Variants in IKZF3 observed in about 807,000 individuals in gnomAD.
IKZF3 encodes zinc finger protein Aiolos.
Under a neutral mutation model 49.0 loss-of-function variants are expected in IKZF3, and 10 were observed. The observed-to-expected ratio is 0.20, with a 90% CI of 0.13 to 0.35. IKZF3 has a LOEUF of 0.35. Among genes scored for constraint, IKZF3 ranks in the 10% least tolerant of loss-of-function variants. The pLI is 1.00. For synonymous variants in IKZF3, 209 were observed against 228.2 expected (o/e 0.92, Z 0.76); for missense variants, 498 against 664.8 (o/e 0.75, Z 2.76).
At chr17:39,779,649 T>TG (rs1429511808) in intron 6 of IKZF3, among the ~76,000 whole-genome samples, 10 of 145,934 alleles carry the variant, frequency 6.9e-5, no homozygotes, top group Non-Finnish European at 9.0e-5. Flanking sequence ...ATTCTTTGTT[T>TG]TTTGTTTTTT....
chr17:39,822,149 C>T (rs1470726571), intron 3 of IKZF3, among the ~76,000 whole-genome samples: 1 of 152,114 alleles, frequency 6.6e-6, no homozygotes, highest in Non-Finnish European at 1.5e-5. Context: ...AACTGGAATA[C>T]CCCAGATGAA....
At chr17:39,862,414 C>G (rs1277365066) in intron 1 of IKZF3, among the ~76,000 whole-genome samples, 1 of 151,928 alleles carries the variant, frequency 6.6e-6, no homozygotes, top group Non-Finnish European at 1.5e-5. Flanking sequence ...ACACTATAGA[C>G]CAAATCTCTA....
chr17:39,798,428 T>C (rs2143958971), intron 3 of IKZF3, among the ~76,000 whole-genome samples: 1 of 152,250 alleles, frequency 6.6e-6, no homozygotes, highest in African/African-American at 2.4e-5. Context: ...ACTAAAGAGC[T>C]TCTAAGTAGT....
In IKZF3 at chr17:39,759,792, G is replaced by A. The variant is rs945171651; in HGVS notation, c.*5998C>T. ...AAATCATTCTCCTTGTCTGAACTCTGGATATAGAGGTTTTTTGAACTATAC... is the reference window on the plus strand; with the variant it reads ...AAATCATTCTCCTTGTCTGAACTCTAGATATAGAGGTTTTTTGAACTATAC... On this transcript the variant is annotated 3_prime_UTR_variant, in exon 8 of 8. Transcript: ENST00000346872. 6.6e-6 allele frequency: 1 copy of A among 152,142 alleles called. No individual in the cohort carries two copies. The highest frequency in any genetic ancestry group is 1.5e-5 in the Non-Finnish European group (1 of 68,030). 9.4% of individuals were successfully genotyped at this position (152,142 alleles called of 1,614,324 possible).
At position 39,765,548 on chromosome 17, in the gene IKZF3, A is replaced by T. The variant is rs1250078537; in HGVS notation, c.*242T>A. On this transcript the variant is annotated 3_prime_UTR_variant, in exon 8 of 8. Transcript: ENST00000346872. ...GACCAAATACCTTTTTGGCTTTTAAATTCCATAAAATTCAAGTCCCTGATG... is the reference window on the plus strand; with the variant it reads ...GACCAAATACCTTTTTGGCTTTTAATTTCCATAAAATTCAAGTCCCTGATG... The T allele has an allele frequency of 2.2e-6, 1 of 451,786 alleles. No individual in the cohort carries two copies. The highest frequency in any genetic ancestry group is 3.5e-5 in the East Asian group (1 of 28,876). 28.0% of individuals were successfully genotyped at this position (451,786 alleles called of 1,614,324 possible).
intron 7 of IKZF3, among the ~76,000 whole-genome samples, chr17:39,776,475 A>G (rs954090010): frequency 6.6e-6 from 1 of 152,196 alleles, no homozygotes; most frequent in Non-Finnish European, 1.5e-5. Context: ...GGGAGGGAGG[A>G]CAGCAAGGAG....
At chr17:39,785,498 C>T (rs2060852463) in intron 6 of IKZF3, among the ~76,000 whole-genome samples, 1 of 152,142 alleles carries the variant, frequency 6.6e-6, no homozygotes, top group Non-Finnish European at 1.5e-5. Flanking sequence ...CCTAATATCA[C>T]TGAGAATAGC....
intron 3 of IKZF3, among the ~76,000 whole-genome samples, chr17:39,794,785 T>C (rs1193486271): frequency 6.6e-6 from 1 of 152,216 alleles, no homozygotes; most frequent in Non-Finnish European, 1.5e-5. Context: ...GGAATTTGTT[T>C]GCTTAAGTGT....
intron 3 of IKZF3, among the ~76,000 whole-genome samples, chr17:39,798,591 T>C (rs1030538677): frequency 2.6e-5 from 4 of 151,934 alleles, no homozygotes; most frequent in Admixed American, 1.3e-4. Flanking sequence ...CTGCAACTTC[T>C]GCCTCCCGGG....
Position 39,811,391 on chromosome 17 carries a change from A to G in IKZF3, c.163+17996T>C, listed in dbSNP as rs536870805. Among the ~76,000 whole-genome samples, 224 of 134,270 alleles carry G rather than the reference A, an allele frequency of 1.7e-3. 1 individual carries two copies. The highest frequency in any genetic ancestry group is 6.7e-3 in the African/African-American group (212 of 31,760). The allele number at this position is 134,270 out of a possible 152,430, so 88.1% of individuals were successfully genotyped here. A position where few individuals can be genotyped will look rare whatever the true frequency, so the allele number is the denominator to read the frequency against. On this transcript the variant is annotated intron_variant, in intron 3 of 7. Coordinates refer to ENST00000346872, the MANE Select transcript of IKZF3 (RefSeq NM_012481.5). The stretch of plus-strand genomic sequence containing the variant: ...AGAAAGAAGGAAGGAAGGAAGGAAG[A>G]AAGGACGGAAGGAAGAAAGGAAGGA...
chr17:39,797,961 C>A (rs991878015), intron 3 of IKZF3, among the ~76,000 whole-genome samples: 1 of 151,852 alleles, frequency 6.6e-6, no homozygotes, highest in Non-Finnish European at 1.5e-5. Flanking sequence ...TTCTTTAGTC[C>A]TCTATTTCTG....
At chr17:39,793,355 T>C (rs1191009878) in intron 3 of IKZF3, among the ~76,000 whole-genome samples, 1 of 152,202 alleles carries the variant, frequency 6.6e-6, no homozygotes, top group Non-Finnish European at 1.5e-5. Context: ...GAAAATATTG[T>C]TTGAATCCTT....
At chr17:39,851,199 T>A (rs1053272822) in intron 1 of IKZF3, among the ~76,000 whole-genome samples, 1 of 151,776 alleles carries the variant, frequency 6.6e-6, no homozygotes, top group African/African-American at 2.4e-5. Flanking sequence ...CTGATTTTTG[T>A]ACTTTTTCTT....
chr17:39,863,480 T>C lies in IKZF3; in HGVS notation c.7+640A>G, dbSNP rs150188704. 6.6e-5 allele frequency among the ~76,000 whole-genome samples: 10 copies of C among 152,296 alleles called. No homozygotes were observed. The East Asian group carries it at 1.9e-3, about 29-fold the overall frequency. The stretch of plus-strand genomic sequence containing the variant: ...TAGAAACACTTGTTGAAAAGACCAT[T>C]GAAGAGTTTACAGTAGCAGTGTGAA... On this transcript the variant is annotated intron_variant, in intron 1 of 7. Transcript: ENST00000346872.
At chr17:39,844,350 C>A (rs2062565945) in intron 1 of IKZF3, among the ~76,000 whole-genome samples, 1 of 152,164 alleles carries the variant, frequency 6.6e-6, no homozygotes, top group Non-Finnish European at 1.5e-5. Flanking sequence ...CTACATTTCT[C>A]CTGTTATTTG....
Position 39,849,094 on chromosome 17 carries a change from C to T in IKZF3, c.7+15026G>A, listed in dbSNP as rs961712324. Among the ~76,000 whole-genome samples the T allele has an allele frequency of 2.0e-5, 3 of 152,094 alleles. No homozygotes were observed. The South Asian group carries it at 6.2e-4, about 32-fold the overall frequency. On this transcript the variant is annotated intron_variant, in intron 1 of 7. Coordinates refer to ENST00000346872, the MANE Select transcript of IKZF3 (RefSeq NM_012481.5). Reference sequence around the variant, plus strand: ...CATCAAATAGATTAAGAAAAATAAACAAGTTACAGACTGGGATAAAGTATT... The same window carrying T: ...CATCAAATAGATTAAGAAAAATAAATAAGTTACAGACTGGGATAAAGTATT...
In IKZF3 at chr17:39,806,272, G is replaced by C. The variant is rs9914556; in HGVS notation, c.164-13339C>G. Among the ~76,000 whole-genome samples, 645 of 152,310 alleles carry C rather than the reference G, an allele frequency of 4.2e-3. 4 individuals carry two copies. Among genetic ancestry groups the C allele is most frequent in the African/African-American group, 0.015 (603 of 41,572 alleles). On this transcript the variant is annotated intron_variant, in intron 3 of 7. Coordinates refer to ENST00000346872, the MANE Select transcript of IKZF3 (RefSeq NM_012481.5). ...TGGCACATAATATGTTCATGACCTT[G>C]AGACAGGCAAAGATTTCTTAGATAC...
chr17:39,845,189 AAC>A (rs2062594346), intron 1 of IKZF3, among the ~76,000 whole-genome samples: 1 of 152,184 alleles, frequency 6.6e-6, no homozygotes, highest in Non-Finnish European at 1.5e-5. Flanking sequence ...AATACACTTG[AAC>A]ATTTTACAAA....
intron 6 of IKZF3, among the ~76,000 whole-genome samples, chr17:39,782,562 CCCAA>C (rs1472144833): frequency 2.0e-5 from 3 of 152,104 alleles, no homozygotes. Context: ...AACTTTAGGA[CCCAA>C]CTGTCTATTT....
Sources: gnomAD v4.1 joint callset for allele counts (sites outside exome capture counted in the v4.1 genomes callset) on GRCh38, gnomAD v4.1.1 for gene constraint, MANE v1.5 for transcripts, NCBI Gene and HGNC (gene_info 2026-07-23, HGNC 2026-07-21) for gene names.